The following MICU3 variants were observed in gnomAD, a reference collection of about 807,000 sequenced individuals.
MICU3 encodes the protein mitochondrial calcium uptake 3.
In MICU3, 62 loss-of-function variants were observed where a neutral mutation model predicts 66.5. The observed-to-expected ratio is 0.93, with a 90% CI of 0.76 to 1.15. The LOEUF is 1.15. Ranked by LOEUF, MICU3 falls within the 50% of genes most tolerant of loss-of-function variation. The pLI is 0.00. For missense variants in MICU3, 779 were observed against 664.4 expected (o/e 1.17, Z -1.90); for synonymous variants, 308 against 240.7 (o/e 1.28, Z -2.59).
At chr8:17,058,692 C>CAA (rs1817365029) in intron 1 of MICU3, among the ~76,000 whole-genome samples, 1 of 152,200 alleles carries the variant, frequency 6.6e-6, no homozygotes, top group African/African-American at 2.4e-5. Flanking sequence ...GCCTCTTTCT[C>CAA]AGAGTTTCCA....
chr8:17,124,193 T>C (rs1244222024), downstream of MICU3, among the ~76,000 whole-genome samples: 2 of 152,154 alleles, frequency 1.3e-5, no homozygotes, highest in East Asian at 3.9e-4. Flanking sequence ...TCCCCTCCAC[T>C]ATCCTTTCAG....
chr8:17,098,689 A>G (rs564162406), intron 9 of MICU3, 136 bp downstream of exon 9: 248 of 613,998 alleles, frequency 4.0e-4, no homozygotes, highest in South Asian at 1.7e-4. Flanking sequence ...AAAAATTACT[A>G]TATATAAACT....
downstream of MICU3, among the ~76,000 whole-genome samples, chr8:17,122,831 G>A (rs1803287748): frequency 6.6e-6 from 1 of 151,914 alleles, no homozygotes; most frequent in Non-Finnish European, 1.5e-5. Context: ...AGAGCTATAA[G>A]GCTTCTCAAA....
At chr8:17,112,889 A>G (rs188244259) in intron 11 of MICU3, among the ~76,000 whole-genome samples, 27 of 152,304 alleles carry the variant, frequency 1.8e-4, no homozygotes, top group Non-Finnish European at 5.9e-5. Context: ...CATCACGACA[A>G]ACCCTTTCTG....
chr8:17,116,675 A>C (rs1802710371), intron 13 of MICU3, 75 bp downstream of exon 13: 1 of 1,099,098 alleles, frequency 9.1e-7, no homozygotes, highest in African/African-American at 1.7e-5. Context: ...AAGTTGAGAA[A>C]TAATTTATCT....
At chr8:17,047,784 C>A (rs1179587725) in intron 1 of MICU3, among the ~76,000 whole-genome samples, 1 of 152,060 alleles carries the variant, frequency 6.6e-6, no homozygotes, top group Non-Finnish European at 1.5e-5. Flanking sequence ...TTACCAGTAT[C>A]AGATCATCAT....
At chr8:17,105,333 G>A (rs978208575) in intron 10 of MICU3, 80 bp from the exon 11 acceptor site, 4 of 769,790 alleles carry the variant, frequency 5.2e-6, no homozygotes, top group African/African-American at 3.6e-5. Flanking sequence ...ACCTTTTCTA[G>A]GACAGTGAGT....
At chr8:17,036,053 C>T (rs994140440) in intron 1 of MICU3, among the ~76,000 whole-genome samples, 18 of 152,116 alleles carry the variant, frequency 1.2e-4, no homozygotes, top group African/African-American at 4.3e-4. Flanking sequence ...CGCGGACCCT[C>T]GCGGTGAGTG....
intron 1 of MICU3, among the ~76,000 whole-genome samples, chr8:17,046,770 A>G (rs928132182): frequency 6.6e-6 from 1 of 152,156 alleles, no homozygotes; most frequent in Non-Finnish European, 1.5e-5. Flanking sequence ...TATGTCTGGT[A>G]TAAGCTGATG....
chr8:17,098,650 T>A, intron 9 of MICU3, 97 bp downstream of exon 9: 1 of 799,304 alleles, frequency 1.3e-6, no homozygotes, highest in Non-Finnish European at 2.1e-6. Flanking sequence ...CCAACATGTA[T>A]GTTACATTTT....
intron 1 of MICU3, among the ~76,000 whole-genome samples, chr8:17,055,533 A>G (rs1007780885): frequency 3.3e-5 from 5 of 152,128 alleles, no homozygotes; most frequent in African/African-American, 1.2e-4. Flanking sequence ...CCTTACTTGC[A>G]CTTAAGTGTG....
chr8:17,138,282 G>T, the MICU3 span, among the ~76,000 whole-genome samples: 1 of 152,154 alleles, frequency 6.6e-6, no homozygotes, highest in African/African-American at 2.4e-5. Flanking sequence ...GTAAATGTAT[G>T]TAAAATAGAT....
chr8:17,086,454 T>A (rs1340375542), intron 6 of MICU3, among the ~76,000 whole-genome samples: 2 of 152,076 alleles, frequency 1.3e-5, no homozygotes, highest in East Asian at 3.9e-4. Context: ...GAGCCTTCAT[T>A]CCAGTGCTTT....
chr8:17,056,157 C>T (rs1249172972), intron 1 of MICU3, among the ~76,000 whole-genome samples: 2 of 152,220 alleles, frequency 1.3e-5, no homozygotes, highest in Non-Finnish European at 2.9e-5. Context: ...TAGAAGGTCA[C>T]TTAAAGGATC....
chr8:17,027,703 C>G lies in MICU3; in HGVS notation c.381+43C>G, dbSNP rs542025898. ...CGTCACACCTGCGCGGGGGATGTGA[C>G]CTTCGTGCCGGGTACGCAGGACCCT... On this transcript the variant is annotated intron_variant, in intron 1 of 14. Transcript: ENST00000318063. 5 of 1,262,702 alleles carry G rather than the reference C, an allele frequency of 4.0e-6. No individual in the cohort carries two copies. In the South Asian group the frequency reaches 9.1e-5, roughly 23 times the overall value. 78.2% of individuals were successfully genotyped at this position (1,262,702 alleles called of 1,614,324 possible).
chr8:17,091,198 G>A (rs974816548), intron 8 of MICU3, among the ~76,000 whole-genome samples: 4 of 152,020 alleles, frequency 2.6e-5, no homozygotes, highest in Non-Finnish European at 5.9e-5. Context: ...TTCTGTAGAT[G>A]AACTTCCAGT....
At chr8:17,027,756 G>A in intron 1 of MICU3, 96 bp downstream of exon 1, 1 of 1,230,370 alleles carries the variant, frequency 8.1e-7, no homozygotes, top group Non-Finnish European at 1.0e-6. Flanking sequence ...TGCAAGCGCT[G>A]TGGCCGCGGG....
chr8:17,090,226 G>C (rs569925978), intron 7 of MICU3, among the ~76,000 whole-genome samples: 5 of 151,986 alleles, frequency 3.3e-5, no homozygotes, highest in African/African-American at 1.2e-4. Flanking sequence ...GTAGCATTGC[G>C]GAAGCATGTC....
chr8:17,036,753 A>G (rs1187599778), intron 1 of MICU3, among the ~76,000 whole-genome samples: 1 of 152,208 alleles, frequency 6.6e-6, no homozygotes, highest in African/African-American at 2.4e-5. Flanking sequence ...AGCTGGCCTC[A>G]CCCAGTGGAT....
Sources: allele counts gnomAD v4.1 joint callset (sites outside exome capture counted in the v4.1 genomes callset), GRCh38; gene constraint gnomAD v4.1.1; transcripts MANE v1.5; gene names NCBI Gene and HGNC (gene_info 2026-07-23, HGNC 2026-07-21).